Variants in EPHA7 observed in about 807,000 individuals in gnomAD.
EPHA7 encodes the protein EPH receptor A7, also known as ephrin type-A receptor 7.
A neutral mutation model predicts 112.6 loss-of-function variants in EPHA7; 25 were observed. The ratio of observed to expected loss-of-function variants is 0.22; its 90% CI spans 0.16 to 0.31. The LOEUF is 0.31. EPHA7 is among the 10% of genes least tolerant of loss of function. The probability of loss-of-function intolerance (pLI) is 1.00; values close to 1 mark genes in which losing one functional copy is unlikely to be tolerated. For missense variants in EPHA7, 962 were observed against 1,212.6 expected (o/e 0.79, Z 3.07); for synonymous variants, 437 against 406.5 (o/e 1.07, Z -0.90).
intron 5 of EPHA7, among the ~76,000 whole-genome samples, chr6:93,324,936 T>G (rs1774242692): frequency 6.6e-6 from 1 of 151,392 alleles, no homozygotes; most frequent in Non-Finnish European, 1.5e-5. Context: ...ATTGATAGAT[T>G]TTTCACTCAC....
At chr6:93,396,011 T>G (rs960675622) in intron 3 of EPHA7, among the ~76,000 whole-genome samples, 1 of 151,904 alleles carries the variant, frequency 6.6e-6, no homozygotes, top group African/African-American at 2.4e-5. Context: ...AGCTAAACCT[T>G]GGCACAGATG....
chr6:93,284,642 T>C (rs960935469), intron 5 of EPHA7, among the ~76,000 whole-genome samples: 1 of 152,172 alleles, frequency 6.6e-6, no homozygotes, highest in African/African-American at 2.4e-5. Flanking sequence ...GTGCTAAATA[T>C]ACACAATGGA....
Position 93,257,521 on chromosome 6 carries a change from T to A in EPHA7, c.2113A>T (p.Lys705Ter). The A allele has an allele frequency of 6.2e-7, 1 of 1,607,178 alleles. No homozygotes were observed. The highest frequency in any genetic ancestry group is 8.5e-7 in the Non-Finnish European group (1 of 1,177,266). ...VHLEGVVTRG[K>*]PVMIVIEFME... The stretch of plus-strand genomic sequence containing the variant: ...AACTCTATTACTATCATGACTGGTT[T>A]CCCTAAAATTAAAAAAAAAAAGTTT... The change falls in exon 12 of 17, where the codon AAA becomes TAA. Residue 705 changes from lysine (K) to a stop codon, truncating the protein, a stop_gained and splice_region_variant. Coordinates refer to ENST00000369303, the MANE Select transcript of EPHA7 (RefSeq NM_004440.4). LOFTEE classifies it high-confidence loss of function.
chr6:93,283,013 G>A (rs188294293), intron 5 of EPHA7, among the ~76,000 whole-genome samples: 1 of 152,224 alleles, frequency 6.6e-6, no homozygotes. Context: ...GGGACTGGCA[G>A]GCAGCTCCAC....
At chr6:93,334,737 A>G (rs561517453) in intron 5 of EPHA7, among the ~76,000 whole-genome samples, 15 of 152,086 alleles carry the variant, frequency 9.9e-5, no homozygotes, top group Non-Finnish European at 1.9e-4. Flanking sequence ...TAACTAGGCT[A>G]TTCTGACTCA....
At chr6:93,296,755 A>G (rs1048647668) in intron 5 of EPHA7, among the ~76,000 whole-genome samples, 8 of 151,926 alleles carry the variant, frequency 5.3e-5, no homozygotes, top group African/African-American at 1.9e-4. Flanking sequence ...ACACTGATAC[A>G]TACTTACATA....
At position 93,246,893 on chromosome 6, in the gene EPHA7, C is replaced by A. The variant is rs374483308; in HGVS notation, c.2625G>T (p.Lys875Asn). The A allele has an allele frequency of 1.9e-5, 31 of 1,613,810 alleles. No individual in the cohort carries two copies. Among genetic ancestry groups the A allele is most frequent in the Admixed American group, 6.7e-5 (4 of 60,000 alleles). ...CAAATTTTGGCCTTTCAGCACGCTC[C>A]TTTTGCCAACAATCCAACATTAGCT... ...LHQLMLDCWQ[K>N]ERAERPKFEQ... Residue 875 changes from lysine to asparagine, a missense_variant, in exon 15 of 17, where the codon AAG becomes AAT. By Grantham distance (94) the Lys-to-Asn change is moderately conservative (BLOSUM62 0). Transcript: ENST00000369303.
intron 3 of EPHA7, among the ~76,000 whole-genome samples, chr6:93,379,736 G>A (rs987497708): frequency 7.9e-5 from 12 of 151,822 alleles, no homozygotes; most frequent in Admixed American, 2.0e-4. Context: ...AAATAAAAGC[G>A]TTCTTGAAAT....
At chr6:93,358,163 T>C in intron 4 of EPHA7, 93 bp downstream of exon 4, 1 of 939,042 alleles carries the variant, frequency 1.1e-6, no homozygotes, top group Non-Finnish European at 1.5e-6. Context: ...ATTAAGAATG[T>C]ATCACAAATT....
intron 3 of EPHA7, among the ~76,000 whole-genome samples, chr6:93,381,374 C>A (rs1260044586): frequency 6.6e-6 from 1 of 152,166 alleles, no homozygotes; most frequent in African/African-American, 2.4e-5. Flanking sequence ...TGATCTAATG[C>A]AATATCCCTC....
chr6:93,243,067 A>G lies in EPHA7; in HGVS notation c.*359T>C, dbSNP rs1296655553. 3.9e-5 allele frequency: 9 copies of G among 231,430 alleles called. No homozygotes were observed. In the East Asian group the frequency reaches 5.7e-4, roughly 15 times the overall value. 14.3% of individuals were successfully genotyped at this position (231,430 alleles called of 1,614,324 possible). A position where few individuals can be genotyped will look rare whatever the true frequency, so the allele number is the denominator to read the frequency against. On this transcript the variant is annotated 3_prime_UTR_variant, in exon 17 of 17. Coordinates refer to ENST00000369303, the MANE Select transcript of EPHA7 (RefSeq NM_004440.4). ...GGAAAATATTTCATTAATTTTAACA[A>G]TAAGATCATGATTTTATTTGACAAA...
At chr6:93,264,258 C>T (rs948432678) in intron 8 of EPHA7, among the ~76,000 whole-genome samples, 7 of 151,326 alleles carry the variant, frequency 4.6e-5, no homozygotes, top group African/African-American at 1.7e-4. Flanking sequence ...AAAAGAAAAA[C>T]TTTTTAAATG....
At chr6:93,280,411 T>TG (rs1040127879) in intron 5 of EPHA7, among the ~76,000 whole-genome samples, 2 of 152,214 alleles carry the variant, frequency 1.3e-5, no homozygotes, top group African/African-American at 4.8e-5. Context: ...CACATTTTTC[T>TG]GTCTAGTGGC....
At chr6:93,362,443 CAAAG>C (rs1274423837) in intron 3 of EPHA7, among the ~76,000 whole-genome samples, 3 of 151,720 alleles carry the variant, frequency 2.0e-5, no homozygotes, top group African/African-American at 7.3e-5. Context: ...AAATTTTTAA[CAAAG>C]AACATGAAAG....
intron 5 of EPHA7, among the ~76,000 whole-genome samples, chr6:93,342,235 A>G (rs1775173397): frequency 6.6e-6 from 1 of 151,858 alleles, no homozygotes; most frequent in African/African-American, 2.4e-5. Flanking sequence ...CTCTTTTTAA[A>G]ACTCTGTAAT....
intron 5 of EPHA7, among the ~76,000 whole-genome samples, chr6:93,276,757 CTTGA>C (rs1217807117): frequency 6.6e-6 from 1 of 151,946 alleles, no homozygotes; most frequent in Non-Finnish European, 1.5e-5. Flanking sequence ...GAATATTGAC[CTTGA>C]TTAAGACCCA....
Position 93,245,327 on chromosome 6 carries a change from G to A in EPHA7, c.2853C>T (p.Ser951=), listed in dbSNP as rs771983362. The part of the protein sequence containing the change: ...KDNFTAAGYN[S]LESVARMTIE... ...TAGTCATCCTGGCTACTGATTCAAG[G>A]GAATTGTAGCCAGCTGCCGTGAAAT... is the stretch of plus-strand genomic sequence containing the variant. The change falls in exon 16 of 17, where the codon TCC becomes TCT. Residue 951 remains serine (S), a synonymous_variant. Coordinates refer to ENST00000369303, the MANE Select transcript of EPHA7 (RefSeq NM_004440.4). 1 of 1,613,144 alleles carries A rather than the reference G, an allele frequency of 6.2e-7. No homozygotes were observed. The highest frequency in any genetic ancestry group is 1.1e-5 in the South Asian group (1 of 91,008).
chr6:93,411,993 A>G (rs1778998842), intron 2 of EPHA7, among the ~76,000 whole-genome samples: 2 of 152,084 alleles, frequency 1.3e-5, no homozygotes, highest in Non-Finnish European at 2.9e-5. Context: ...ATTTTCTCAA[A>G]AAAGGAAAAA....
intron 5 of EPHA7, among the ~76,000 whole-genome samples, chr6:93,353,315 C>T (rs1209518835): frequency 2.6e-5 from 4 of 151,994 alleles, no homozygotes; most frequent in South Asian, 2.1e-4. Flanking sequence ...TTGTGTATGG[C>T]ATGTTCATGA....
Sources: gnomAD v4.1 joint callset for allele counts (sites outside exome capture counted in the v4.1 genomes callset) on GRCh38, gnomAD v4.1.1 for gene constraint, MANE v1.5 for transcripts, NCBI Gene and HGNC (gene_info 2026-07-23, HGNC 2026-07-21) for gene names.